SACS: variants seen among roughly 807,000 people sequenced by gnomAD.
SACS encodes the protein sacsin.
SACS carries 197 observed loss-of-function variants against 348.0 expected under a neutral mutation model. The ratio of observed to expected loss-of-function variants is 0.57; its 90% CI spans 0.50 to 0.64. The LOEUF (loss-of-function observed/expected upper bound fraction) is 0.64, where lower values mean the gene tolerates loss of function less well. SACS is among the 30% of genes least tolerant of loss of function. The pLI, the probability that SACS is intolerant of heterozygous loss-of-function variation, is 0.00. For missense variants in SACS, 4,999 were observed against 5,360.8 expected (o/e 0.93, Z 2.11); for synonymous variants, 1,985 against 1,910.6 (o/e 1.04, Z -1.02).
chr13:23,340,883 T>C lies in SACS; in HGVS notation c.2993A>G (p.Asp998Gly). Residue 998 changes from aspartate (D) to glycine (G), a missense_variant, in exon 10 of 10, where the codon GAT becomes GGT. Physicochemically the swap from Asp to Gly is moderately conservative, Grantham distance 94. Transcript: ENST00000382292. The part of the protein sequence containing the change: ...TTSCLKLVLK[D>G]IENAFYSHEE... ...ATGTGAATAAAATGCATTTTCAATA[T>C]CTTTTAAAACAAGCTTTAAGCAGCT... The C allele has an allele frequency of 6.2e-7, 1 of 1,610,748 alleles. No homozygotes were observed. The highest frequency in any genetic ancestry group is 8.5e-7 in the Non-Finnish European group (1 of 1,177,470).
intron 1 of SACS, among the ~76,000 whole-genome samples, chr13:23,426,372 G>C (rs1874175130): frequency 6.6e-6 from 1 of 152,176 alleles, no homozygotes; most frequent in South Asian, 2.1e-4. Context: ...CAGGTGCAGT[G>C]GCCCACGCCT....
chr13:23,408,014 TAGG>T (rs1389455023), intron 2 of SACS, among the ~76,000 whole-genome samples: 5 of 152,174 alleles, frequency 3.3e-5, no homozygotes, highest in Admixed American at 6.6e-5. Context: ...TGTGCTGTAT[TAGG>T]AGTTGAGTCC....
intron 2 of SACS, among the ~76,000 whole-genome samples, chr13:23,384,264 T>C (rs1424511122): frequency 6.6e-6 from 1 of 152,222 alleles, no homozygotes; most frequent in African/African-American, 2.4e-5. Context: ...AGCATTTAAC[T>C]TCCACTCATC....
rs749483486 is a variant in SACS, at chr13:23,339,224, T to C, written c.4652A>G (p.Asp1551Gly). 2.5e-6 allele frequency: 4 copies of C among 1,610,730 alleles called. No homozygotes were observed. In the South Asian group the frequency reaches 4.4e-5, roughly 18 times the overall value. ...LGESLKRGEV[D>G]KVGKFGLGFN... ...TCCAAGACCAAATTTTCCAACTTTG[T>C]CAACTTCTCCCCTTTTTAAAGATTC... Residue 1551 changes from aspartate to glycine, a missense_variant, in exon 10 of 10, where the codon GAC becomes GGC. Transcript: ENST00000382292.
intron 5 of SACS, among the ~76,000 whole-genome samples, chr13:23,366,820 T>C (rs2137790698): frequency 6.6e-6 from 1 of 152,350 alleles, no homozygotes; most frequent in Admixed American, 6.5e-5. Context: ...ATTTTGTATT[T>C]GGTCTTGGGC....
chr13:23,348,396 T>C (rs145423228), intron 9 of SACS, among the ~76,000 whole-genome samples: 50 of 151,496 alleles, frequency 3.3e-4, no homozygotes, highest in Middle Eastern at 3.4e-3. Flanking sequence ...TTTTGGCCTC[T>C]GCGCCCCATC....
chr13:23,379,616 G>A (rs1347554587), intron 2 of SACS, among the ~76,000 whole-genome samples: 1 of 152,168 alleles, frequency 6.6e-6, no homozygotes, highest in East Asian at 1.9e-4. Context: ...CCCCAATTCT[G>A]TGGTGTTGAG....
intron 1 of SACS, among the ~76,000 whole-genome samples, chr13:23,426,369 A>G (rs9317678): frequency 0.81 from 122,959 of 152,134 alleles, 49,841 homozygotes; most frequent in East Asian, 0.94. Flanking sequence ...GGCCAGGTGC[A>G]GTGGCCCACG....
chr13:23,353,409 C>T (rs1343433843), intron 9 of SACS, among the ~76,000 whole-genome samples: 1 of 152,184 alleles, frequency 6.6e-6, no homozygotes, highest in African/African-American at 2.4e-5. Context: ...TGATCTTAAC[C>T]TTTCTCTCTC....
intron 2 of SACS, among the ~76,000 whole-genome samples, chr13:23,400,482 G>T (rs2137926434): frequency 6.6e-6 from 1 of 152,236 alleles, no homozygotes; most frequent in East Asian, 1.9e-4. Context: ...GTGCAGTGGT[G>T]CCATCTCGGC....
In SACS at chr13:23,331,669, TCTG is replaced by T; in HGVS notation, c.12204_12206del (p.Ser4068del). On this transcript the variant is annotated inframe_deletion, in exon 10 of 10. Coordinates refer to ENST00000382292, the MANE Select transcript of SACS (RefSeq NM_014363.6). ...GCTTCAAAAAAGCAAAAGTTTCACTTCTGCTGTGGGGAATAGGATTAAAACCTT... is the reference window on the plus strand; with the variant it reads ...GCTTCAAAAAAGCAAAAGTTTCACTTCTGTGGGGAATAGGATTAAAACCTT... 1.2e-6 allele frequency: 2 copies of T among 1,613,984 alleles called. No individual in the cohort carries two copies. The highest frequency in any genetic ancestry group is 1.7e-6 in the Non-Finnish European group (2 of 1,179,962).
intron 2 of SACS, chr13:23,375,692 C>T (rs2137846577): frequency 2.0e-6 from 1 of 506,348 alleles, no homozygotes; most frequent in Non-Finnish European, 2.6e-6. Flanking sequence ...ATCCAGGCCC[C>T]GCCCAGTCAA....
intron 2 of SACS, among the ~76,000 whole-genome samples, chr13:23,395,052 A>G: frequency 6.6e-6 from 1 of 152,172 alleles, no homozygotes; most frequent in African/African-American, 2.4e-5. Context: ...GATTGAGTAT[A>G]CTGTAGAAGC....
chr13:23,358,765 TCAGTTACTACTCTACGTGA>T (rs1870550064), intron 6 of SACS, among the ~76,000 whole-genome samples: 1 of 152,028 alleles, frequency 6.6e-6, no homozygotes, highest in African/African-American at 2.4e-5. Context: ...AACAAGAAAA[TCAGTTACTACTCTACGTGA>T]AATTTGTTCT....
intron 5 of SACS, among the ~76,000 whole-genome samples, chr13:23,367,370 G>C (rs551762226): frequency 4.1e-4 from 63 of 152,264 alleles, no homozygotes; most frequent in Non-Finnish European, 4.1e-4. Context: ...AAGAGACCTA[G>C]TCCTGATTCC....
Position 23,334,042 on chromosome 13 carries a change from C to A in SACS, c.9834G>T (p.Trp3278Cys), listed in dbSNP as rs1174846895. ...FDIVVDTLKD[W>C]ALLPGTKFTV... is the part of the protein sequence containing the mutation. ...TAAACTTTGTTCCTGGAAGCAATGC[C>A]CAGTCTTTTAGAGTATCAACAACAA... The change falls in exon 10 of 10, where the codon TGG becomes TGT. Residue 3278 changes from tryptophan to cysteine, a missense_variant. Transcript: ENST00000382292. The A allele has an allele frequency of 6.2e-7, 1 of 1,613,792 alleles. No homozygotes were observed. Among genetic ancestry groups the A allele is most frequent in the Non-Finnish European group, 8.5e-7 (1 of 1,179,838 alleles).
intron 1 of SACS, among the ~76,000 whole-genome samples, chr13:23,420,030 C>T (rs1873859438): frequency 6.6e-6 from 1 of 152,042 alleles, no homozygotes; most frequent in Non-Finnish European, 1.5e-5. Context: ...CCATTTGGGT[C>T]CTGATGTTCA....
chr13:23,401,506 C>T (rs1366758592), intron 2 of SACS, among the ~76,000 whole-genome samples: 3 of 152,142 alleles, frequency 2.0e-5, no homozygotes, highest in East Asian at 1.9e-4. Context: ...CAACCTCTGC[C>T]GTGACCACCT....
intron 6 of SACS, among the ~76,000 whole-genome samples, chr13:23,359,055 G>A (rs1162712717): frequency 2.0e-5 from 3 of 152,002 alleles, no homozygotes; most frequent in African/African-American, 4.8e-5. Context: ...GGTGGCACGC[G>A]CCTGTAATCC....
Sources: allele counts gnomAD v4.1 joint callset (sites outside exome capture counted in the v4.1 genomes callset), GRCh38; gene constraint gnomAD v4.1.1; transcripts MANE v1.5; gene names NCBI Gene and HGNC (gene_info 2026-07-23, HGNC 2026-07-21).